The following TK2 variants were observed in gnomAD, a reference collection of about 807,000 sequenced individuals.
The protein encoded by TK2 is thymidine kinase 2, also known as thymidine kinase 2, mitochondrial.
A neutral mutation model predicts 41.9 loss-of-function variants in TK2; 35 were observed. The ratio of observed to expected loss-of-function variants is 0.84; its 90% CI spans 0.64 to 1.11. The LOEUF is 1.11. Among genes scored for constraint, TK2 ranks in the 50% least tolerant of loss-of-function variants. The pLI is 0.00. For synonymous variants in TK2, 128 were observed against 129.1 expected (o/e 0.99, Z 0.06); for missense variants, 320 against 351.1 (o/e 0.91, Z 0.71).
At chr16:66,534,340 C>T (rs1215659517) in intron 4 of TK2, among the ~76,000 whole-genome samples, 5 of 152,326 alleles carry the variant, frequency 3.3e-5, no homozygotes, top group East Asian at 1.9e-4. Flanking sequence ...GCGTTCAAGT[C>T]GTTCAGTGAA....
rs1029293754 is a variant in TK2, at chr16:66,508,120, G to A, written c.*3848C>T. 2.0e-5 allele frequency: 3 copies of A among 152,078 alleles called. No homozygotes were observed. The highest frequency in any genetic ancestry group is 2.9e-5 in the Non-Finnish European group (2 of 68,018). 9.4% of individuals were successfully genotyped at this position (152,078 alleles called of 1,614,324 possible). A position where few individuals can be genotyped will look rare whatever the true frequency, so the allele number is the denominator to read the frequency against. ...CCTGTGTTCCACAGAGCCCAGTCTGGTAAACAACAGTCTTAAAGAAAAAAA... is the reference window on the plus strand; with the variant it reads ...CCTGTGTTCCACAGAGCCCAGTCTGATAAACAACAGTCTTAAAGAAAAAAA... On this transcript the variant is annotated 3_prime_UTR_variant, in exon 10 of 10. Transcript: ENST00000544898.
At chr16:66,548,284 T>C (rs1473503742) in intron 2 of TK2, among the ~76,000 whole-genome samples, 1 of 152,176 alleles carries the variant, frequency 6.6e-6, no homozygotes. Context: ...GTCTACCCTC[T>C]GCAGATCCCA....
chr16:66,531,781 G>A lies in TK2; in HGVS notation c.286-312C>T, dbSNP rs186255605. 1.3e-3 allele frequency among the ~76,000 whole-genome samples: 191 copies of A among 152,272 alleles called. 2 individuals carry two copies. The highest frequency in any genetic ancestry group is 2.6e-4 in the Non-Finnish European group (18 of 68,016). ...AAGAAGTCATCTTAACCTTGTTCAC[G>A]GACAACATGATCTTACACTTAGAAA... On this transcript the variant is annotated intron_variant, in intron 4 of 9. Coordinates refer to ENST00000544898, the MANE Select transcript of TK2 (RefSeq NM_004614.5).
chr16:66,528,855 T>C (rs1489049866), intron 6 of TK2, 139 bp downstream of exon 6: 1 of 818,510 alleles, frequency 1.2e-6, no homozygotes, highest in African/African-American at 1.7e-5. Flanking sequence ...CGTGGCTGTT[T>C]GTTACACCGC....
chr16:66,542,911 T>C (rs775928285), intron 2 of TK2, among the ~76,000 whole-genome samples: 1 of 152,194 alleles, frequency 6.6e-6, no homozygotes, highest in African/African-American at 2.4e-5. Context: ...TCACTCTTGT[T>C]GCCCAGGCTG....
chr16:66,542,921 G>C (rs1314244114), intron 2 of TK2, among the ~76,000 whole-genome samples: 2 of 152,168 alleles, frequency 1.3e-5, no homozygotes, highest in African/African-American at 4.8e-5. Context: ...TGCCCAGGCT[G>C]GAGCACAGTG....
Position 66,511,268 on chromosome 16 carries a change from C to A in TK2, c.*700G>T, listed in dbSNP as rs1161244922. Reference sequence around the variant, plus strand: ...GCTGCAGCGACCTCGGGCAGGGAAACCACTGAACACCGGGCTCCAGCCAAA... The same window carrying A: ...GCTGCAGCGACCTCGGGCAGGGAAAACACTGAACACCGGGCTCCAGCCAAA... On this transcript the variant is annotated 3_prime_UTR_variant, in exon 10 of 10. Transcript: ENST00000544898. 2 of 155,146 alleles carry A rather than the reference C, an allele frequency of 1.3e-5. No individual in the cohort carries two copies. Among genetic ancestry groups the A allele is most frequent in the Non-Finnish European group, 2.9e-5 (2 of 69,984 alleles). The allele number at this position is 155,146 out of a possible 1,614,324, so 9.6% of individuals were successfully genotyped here.
At chr16:66,532,453 A>G (rs1208008424) in intron 4 of TK2, among the ~76,000 whole-genome samples, 1 of 151,990 alleles carries the variant, frequency 6.6e-6, no homozygotes, top group Non-Finnish European at 1.5e-5. Flanking sequence ...AAAATACAAA[A>G]AATTAGCTGG....
At chr16:66,538,529 T>C (rs1965357537) in intron 3 of TK2, among the ~76,000 whole-genome samples, 1 of 152,156 alleles carries the variant, frequency 6.6e-6, no homozygotes, top group Non-Finnish European at 1.5e-5. Flanking sequence ...AAACATTTAT[T>C]GAGTGCCCAC....
chr16:66,549,076 A>G, intron 1 of TK2, 67 bp from the exon 2 acceptor site: 1 of 1,606,036 alleles, frequency 6.2e-7, no homozygotes. Flanking sequence ...CTAATTTGCT[A>G]CATGACCACA....
In TK2 at chr16:66,549,715, G is replaced by C. The variant is rs13331952; in HGVS notation, c.124+223C>G. ...AGCGTGTCCGTCCTGCTCTTTAAAG[G>C]CCCTCTCTCCATCCCAGAACCAAAG... is the stretch of plus-strand genomic sequence containing the variant. On this transcript the variant is annotated intron_variant, in intron 1 of 9. Transcript: ENST00000544898. 0.14 allele frequency: 181,175 copies of C among 1,266,934 alleles called. 19,460 individuals carry two copies. Among genetic ancestry groups the C allele is most frequent in the African/African-American group, 0.53 (33,898 of 64,020 alleles). The allele number at this position is 1,266,934 out of a possible 1,614,324, so 78.5% of individuals were successfully genotyped here.
intron 9 of TK2, 71 bp from the exon 10 acceptor site, chr16:66,512,137 A>G: frequency 7.3e-7 from 1 of 1,371,102 alleles, no homozygotes; most frequent in Non-Finnish European, 1.0e-6. Context: ...AGCTGGAGAC[A>G]GACAGATGGA....
chr16:66,549,760 G>C (rs747986983), intron 1 of TK2, 178 bp downstream of exon 1: 62 of 1,277,312 alleles, frequency 4.9e-5, no homozygotes, highest in Non-Finnish European at 6.0e-5. Flanking sequence ...CCCAGCGCTC[G>C]CTGCGGTCTC....
intron 5 of TK2, 22 bp downstream of exon 5, chr16:66,531,358 A>C (rs1278088863): frequency 1.2e-6 from 2 of 1,611,778 alleles, no homozygotes; most frequent in Non-Finnish European, 8.5e-7. Flanking sequence ...AAGAAGGCTG[A>C]AACTGAGCAT....
chr16:66,542,271 G>A (rs1965480965), intron 2 of TK2, among the ~76,000 whole-genome samples: 1 of 152,100 alleles, frequency 6.6e-6, no homozygotes, highest in Non-Finnish European at 1.5e-5. Context: ...CAGACTATTA[G>A]ATTTTAGGCC....
rs537380484 is a variant in TK2, at chr16:66,517,366, G to A, written c.539-151C>T. 1,714 of 764,908 alleles carry A rather than the reference G, an allele frequency of 2.2e-3. 3 individuals are homozygous for A. Among genetic ancestry groups the A allele is most frequent in the Non-Finnish European group, 3.2e-3 (1,352 of 423,632 alleles). The allele number at this position is 764,908 out of a possible 1,614,324, so 47.4% of individuals were successfully genotyped here. On this transcript the variant is annotated intron_variant, in intron 7 of 9. Coordinates refer to ENST00000544898, the MANE Select transcript of TK2 (RefSeq NM_004614.5). This position sits in a 1 kb window ranked among gnomAD's most constrained non-coding sequence, Gnocchi z 4.3. ...GGCTTGACCACTGACCCTCCGCCTC[G>A]ACTTTCATTCTCTTTCAGTGTCAGC...
chr16:66,549,917 C>A, intron 1 of TK2, 21 bp downstream of exon 1: 1 of 1,348,546 alleles, frequency 7.4e-7, no homozygotes, highest in Non-Finnish European at 9.4e-7. Flanking sequence ...TCCTGGGAGG[C>A]GGGACCAAGA....
At chr16:66,536,611 G>T (rs961952385) in intron 4 of TK2, among the ~76,000 whole-genome samples, 2 of 152,046 alleles carry the variant, frequency 1.3e-5, no homozygotes, top group African/African-American at 2.4e-5. Flanking sequence ...GATAGGTCCT[G>T]GGGGGGTTAG....
rs778154929 is a variant in TK2 at position 66,529,106 on chromosome 16, A to G, written c.376-39T>C. 6 of 1,597,574 alleles carry G rather than the reference A, an allele frequency of 3.8e-6. No individual in the cohort carries two copies. In the Admixed American group the frequency reaches 8.3e-5, roughly 22 times the overall value. ...AAAAGAGAATCACTAACTCAGGGGA[A>G]AAGGAGACAGCCAGGAGGCCTTGAG... On this transcript the variant is annotated intron_variant, in intron 5 of 9. Transcript: ENST00000544898.
Sources: allele counts gnomAD v4.1 joint callset (sites outside exome capture counted in the v4.1 genomes callset), GRCh38; gene constraint gnomAD v4.1.1; non-coding constraint Gnocchi (gnomAD v3.1); transcripts MANE v1.5; gene names NCBI Gene and HGNC (gene_info 2026-07-23, HGNC 2026-07-21).